The following MOB3A variants were observed in gnomAD, a reference collection of about 807,000 sequenced individuals.
MOB3A encodes the protein MOB kinase activator 3A, also known as MOB LAK.
A neutral mutation model predicts 17.8 loss-of-function variants in MOB3A; 17 were observed. The ratio of observed to expected loss-of-function variants is 0.95; its 90% CI spans 0.65 to 1.43. The LOEUF (loss-of-function observed/expected upper bound fraction) is 1.43, where lower values mean the gene tolerates loss of function less well. MOB3A is among the 40% of genes most tolerant of loss of function. MOB3A has a pLI of 0.00. For missense variants in MOB3A, 333 were observed against 310.8 expected (o/e 1.07, Z -0.54); for synonymous variants, 124 against 133.2 (o/e 0.93, Z 0.48).
At chr19:2,080,427 G>C (rs1304455574) in intron 2 of MOB3A, among the ~76,000 whole-genome samples, 7 of 151,884 alleles carry the variant, frequency 4.6e-5, no homozygotes, top group Non-Finnish European at 1.0e-4. Flanking sequence ...ACCCAGGCTG[G>C]AGTGCAGTAG....
chr19:2,075,572 C>T (rs2017394550), intron 4 of MOB3A, among the ~76,000 whole-genome samples: 1 of 152,152 alleles, frequency 6.6e-6, no homozygotes, highest in Non-Finnish European at 1.5e-5. Flanking sequence ...CATACAGCGC[C>T]CAGCAGCCTG....
At chr19:2,076,113 A>T (rs1599401915) in intron 4 of MOB3A, among the ~76,000 whole-genome samples, 1 of 114,758 alleles carries the variant, frequency 8.7e-6, no homozygotes, top group African/African-American at 3.5e-5. Context: ...AGGGAGGCAG[A>T]CTCCATCTCC....
Position 2,078,151 on chromosome 19 carries a change from G to A in MOB3A, c.410C>T (p.Pro137Leu). The A allele has an allele frequency of 1.3e-6, 2 of 1,573,820 alleles. No individual in the cohort carries two copies. The highest frequency in any genetic ancestry group is 1.7e-6 in the Non-Finnish European group (2 of 1,154,506). ...CAGCTCTGACTCACCAACGTTGGTG[G>A]GGAAGAGGTCCTCGTTGTTGATCTG... ...EAQINNEDLFPTNVGTPFPKN... is the reference protein window; with the variant it reads ...EAQINNEDLFLTNVGTPFPKN... Residue 137 changes from proline to leucine, a missense_variant, in exon 3 of 5, where the codon CCC becomes CTC. Coordinates refer to ENST00000357066, the MANE Select transcript of MOB3A (RefSeq NM_130807.3).
chr19:2,092,839 C>T (rs2017629029), intron 1 of MOB3A, among the ~76,000 whole-genome samples: 1 of 151,860 alleles, frequency 6.6e-6, no homozygotes, highest in Non-Finnish European at 1.5e-5. Flanking sequence ...GAAAGAAAAC[C>T]CAAGTTCAGC....
chr19:2,077,313 A>G (rs1280112831), intron 3 of MOB3A, among the ~76,000 whole-genome samples: 1 of 152,096 alleles, frequency 6.6e-6, no homozygotes, highest in East Asian at 1.9e-4. Flanking sequence ...GAGGCAGAAG[A>G]ATCGCTTGAA....
At chr19:2,081,395 C>T (rs946620124) in intron 2 of MOB3A, among the ~76,000 whole-genome samples, 17 of 151,528 alleles carry the variant, frequency 1.1e-4, no homozygotes, top group Admixed American at 5.3e-4. Flanking sequence ...CGAGATCAGC[C>T]TGGCCAACAT....
Position 2,073,442 on chromosome 19 carries a change from G to A in MOB3A, c.625-18C>T. Reference sequence around the variant, plus strand: ...ATTTCTTTCTGTAAAGAGCAAGCAAGACATCAGCTCCCACCAGCCACTCCT... The same window carrying A: ...ATTTCTTTCTGTAAAGAGCAAGCAAAACATCAGCTCCCACCAGCCACTCCT... On this transcript the variant is annotated intron_variant, in intron 4 of 4. Coordinates refer to ENST00000357066, the MANE Select transcript of MOB3A (RefSeq NM_130807.3). The A allele has an allele frequency of 1.9e-6, 3 of 1,613,820 alleles. No homozygotes were observed. Among genetic ancestry groups the A allele is most frequent in the Non-Finnish European group, 2.5e-6 (3 of 1,180,026 alleles).
intron 2 of MOB3A, chr19:2,083,957 A>G: frequency 8.4e-6 from 2 of 239,110 alleles, no homozygotes; most frequent in Non-Finnish European, 1.8e-5. Context: ...CTTTTTGTAG[A>G]GATAGGGTCT....
intron 1 of MOB3A, among the ~76,000 whole-genome samples, chr19:2,094,604 C>T (rs760378953): frequency 7.9e-5 from 12 of 152,312 alleles, no homozygotes; most frequent in Non-Finnish European, 1.6e-4. Context: ...TGCGTCCCAG[C>T]GCCTCTTCCG....
chr19:2,096,301 GC>G lies in MOB3A; in HGVS notation c.-350del, dbSNP rs918837136. ...CCTCGGCCGCCTCAGCCGCCGCACCGCCTCGCAGCCGCCGCGGAGGGACACG... is the reference window on the plus strand; with the variant it reads ...CCTCGGCCGCCTCAGCCGCCGCACCGCTCGCAGCCGCCGCGGAGGGACACG... On this transcript the variant is annotated 5_prime_UTR_variant, in exon 1 of 5. Transcript: ENST00000357066. The G allele has an allele frequency of 6.3e-6, 1 of 158,428 alleles. No homozygotes were observed. The highest frequency in any genetic ancestry group is 2.4e-5 in the African/African-American group (1 of 41,436). 9.8% of individuals were successfully genotyped at this position (158,428 alleles called of 1,614,324 possible). A position where few individuals can be genotyped will look rare whatever the true frequency, so the allele number is the denominator to read the frequency against.
In MOB3A at chr19:2,072,948, G is replaced by A. The variant is rs527784022; in HGVS notation, c.*447C>T. The A allele has an allele frequency of 1.1e-5, 2 of 174,862 alleles. No homozygotes were observed. The highest frequency in any genetic ancestry group is 2.4e-5 in the Non-Finnish European group (2 of 82,372). 10.8% of individuals were successfully genotyped at this position (174,862 alleles called of 1,614,324 possible). A position where few individuals can be genotyped will look rare whatever the true frequency, so the allele number is the denominator to read the frequency against. On this transcript the variant is annotated 3_prime_UTR_variant, in exon 5 of 5. Coordinates refer to ENST00000357066, the MANE Select transcript of MOB3A (RefSeq NM_130807.3). Reference sequence around the variant, plus strand: ...TTGCCTCCCCAACGGGAGACATGTAGGAGGCCGAGCAAGCTGGGTGCCCTT... The same window carrying A: ...TTGCCTCCCCAACGGGAGACATGTAAGAGGCCGAGCAAGCTGGGTGCCCTT...
At chr19:2,084,715 T>C (rs577527547) in intron 2 of MOB3A, among the ~76,000 whole-genome samples, 86 of 151,860 alleles carry the variant, frequency 5.7e-4, no homozygotes, top group African/African-American at 2.1e-3. Flanking sequence ...CTCAGCCTCC[T>C]GAGTAGCTGG....
At chr19:2,073,942 A>T (rs1409025371) in intron 4 of MOB3A, among the ~76,000 whole-genome samples, 1 of 152,044 alleles carries the variant, frequency 6.6e-6, no homozygotes, top group Non-Finnish European at 1.5e-5. Context: ...GAGGGAGGAG[A>T]ATCGCTTGAA....
At chr19:2,081,524 G>T (rs10403078) in intron 2 of MOB3A, among the ~76,000 whole-genome samples, 31,912 of 151,010 alleles carry the variant, frequency 0.21, 3,537 homozygotes, top group South Asian at 0.32. Flanking sequence ...GGGGACAAAG[G>T]TTGCAGTGAG....
chr19:2,080,262 G>C (rs1003327601), intron 2 of MOB3A, among the ~76,000 whole-genome samples: 1 of 152,160 alleles, frequency 6.6e-6, no homozygotes. Flanking sequence ...CCAGCAGAAG[G>C]GGGAGTCAGA....
chr19:2,092,396 C>T (rs190248641), intron 1 of MOB3A, among the ~76,000 whole-genome samples: 66 of 152,216 alleles, frequency 4.3e-4, no homozygotes, highest in African/African-American at 1.5e-3. Context: ...CCATAGCGCC[C>T]GACCCTCTGT....
Position 2,078,679 on chromosome 19 carries a change from C to T in MOB3A, c.-119G>A. 1 of 997,314 alleles carries T rather than the reference C, an allele frequency of 1.0e-6. No homozygotes were observed. Among genetic ancestry groups the T allele is most frequent in the Non-Finnish European group, 1.5e-6 (1 of 688,900 alleles). The allele number at this position is 997,314 out of a possible 1,614,324, so 61.8% of individuals were successfully genotyped here. A position where few individuals can be genotyped will look rare whatever the true frequency, so the allele number is the denominator to read the frequency against. The stretch of plus-strand genomic sequence containing the variant: ...CCAAGCCCCACAGCTCTCCCGCGGA[C>T]CTGAAATACACAGGGGAATCATGAC... On this transcript the variant is annotated splice_region_variant and 5_prime_UTR_variant, in exon 3 of 5. Transcript: ENST00000357066.
At chr19:2,086,826 C>G (rs1215389483) in intron 1 of MOB3A, among the ~76,000 whole-genome samples, 2 of 151,936 alleles carry the variant, frequency 1.3e-5, no homozygotes, top group African/African-American at 4.8e-5. Context: ...GGGTCTTGCT[C>G]TGTTGCCCAG....
Position 2,082,671 on chromosome 19 carries a change from C to T in MOB3A, c.-120+2504G>A, listed in dbSNP as rs543325808. On this transcript the variant is annotated intron_variant, in intron 2 of 4. Coordinates refer to ENST00000357066, the MANE Select transcript of MOB3A (RefSeq NM_130807.3). This position sits in a 1 kb window ranked among gnomAD's most constrained non-coding sequence, Gnocchi z 4.1. The stretch of plus-strand genomic sequence containing the variant: ...CACAAGCCTAGTGACACACGCTTCC[C>T]GGGCCAGCGCTGCTCCACCACGGGG... 1.4e-4 allele frequency among the ~76,000 whole-genome samples: 21 copies of T among 152,314 alleles called. No homozygotes were observed. Among genetic ancestry groups the T allele is most frequent in the African/African-American group, 3.6e-4 (15 of 41,558 alleles).
Sources: gnomAD v4.1 joint callset for allele counts (sites outside exome capture counted in the v4.1 genomes callset) on GRCh38, gnomAD v4.1.1 for gene constraint, Gnocchi (gnomAD v3.1) non-coding constraint, MANE v1.5 for transcripts, NCBI Gene and HGNC (gene_info 2026-07-23, HGNC 2026-07-21) for gene names.